The following SLIT1 variants were observed in gnomAD, a reference collection of about 807,000 sequenced individuals.
SLIT1 encodes the protein slit guidance ligand 1, also known as slit homolog 1 protein.
A neutral mutation model predicts 186.1 loss-of-function variants in SLIT1; 66 were observed. That is an observed-to-expected ratio of 0.35 (90% CI 0.29 to 0.44). The LOEUF (loss-of-function observed/expected upper bound fraction) is 0.44, where lower values mean the gene tolerates loss of function less well. Among genes scored for constraint, SLIT1 ranks in the 20% least tolerant of loss-of-function variants. The pLI is 1.00. For synonymous variants in SLIT1, 761 were observed against 833.8 expected (o/e 0.91, Z 1.50); for missense variants, 1,638 against 2,037.4 (o/e 0.80, Z 3.77).
chr10:97,097,496 C>T (rs901382653), intron 4 of SLIT1, among the ~76,000 whole-genome samples: 5 of 152,152 alleles, frequency 3.3e-5, no homozygotes, highest in Admixed American at 6.5e-5. Flanking sequence ...GAGGTGAGAA[C>T]GATGCTTCTG....
At chr10:97,012,153 T>A (rs936653711) in intron 30 of SLIT1, among the ~76,000 whole-genome samples, 1 of 148,354 alleles carries the variant, frequency 6.7e-6, no homozygotes, top group Non-Finnish European at 1.5e-5. Flanking sequence ...ACCAGATTCA[T>A]ACAACAATAC....
chr10:97,177,397 A>G (rs920616596), intron 1 of SLIT1, among the ~76,000 whole-genome samples: 8 of 152,098 alleles, frequency 5.3e-5, no homozygotes, highest in Non-Finnish European at 7.4e-5. Flanking sequence ...CGCCGTTCCC[A>G]CTTACTCTCT....
intron 8 of SLIT1, among the ~76,000 whole-genome samples, chr10:97,063,201 G>A (rs1444545315): frequency 6.6e-6 from 1 of 152,052 alleles, no homozygotes; most frequent in African/African-American, 2.4e-5. Context: ...AAATGCCATG[G>A]TGAGAATGGG....
At chr10:97,001,758 G>C (rs1962435) in intron 36 of SLIT1, among the ~76,000 whole-genome samples, 1 of 152,094 alleles carries the variant, frequency 6.6e-6, no homozygotes, top group Non-Finnish European at 1.5e-5. Flanking sequence ...TTAGCAGTCC[G>C]GATTCCAGCA....
In SLIT1 at chr10:97,006,401, G is replaced by A; in HGVS notation, c.3579+82C>T. 2.2e-6 allele frequency: 2 copies of A among 918,148 alleles called. No homozygotes were observed. The highest frequency in any genetic ancestry group is 1.5e-5 in the South Asian group (1 of 67,548). The allele number at this position is 918,148 out of a possible 1,614,324, so 56.9% of individuals were successfully genotyped here. Reference sequence around the variant, plus strand: ...CTTCCAGTTCCCCAGGCACCATGCAGGGATGTATCCTGATGCTCTGGCCTA... The same window carrying A: ...CTTCCAGTTCCCCAGGCACCATGCAAGGATGTATCCTGATGCTCTGGCCTA... On this transcript the variant is annotated intron_variant, in intron 32 of 36. Coordinates refer to ENST00000266058, the MANE Select transcript of SLIT1 (RefSeq NM_003061.3). The surrounding 1 kb of genome is among the most constrained non-coding windows in gnomAD (Gnocchi z 4.0).
Position 97,021,409 on chromosome 10 carries a change from T to C in SLIT1, c.2587A>G (p.Ile863Val). Residue 863 changes from isoleucine (I) to valine (V), a missense_variant, in exon 26 of 37, where the codon ATT becomes GTT. Transcript: ENST00000266058. This position sits in a 1 kb window ranked among gnomAD's most constrained non-coding sequence, Gnocchi z 4.5. ...TCACAGTATAGGGGGTTGGCACCAA[T>C]GGCCCTGAGCAGAAAGCAGAGAGAA... ...ADVTSLSHLA[I>V]GANPLYCDCH... 1 of 1,613,436 alleles carries C rather than the reference T, an allele frequency of 6.2e-7. No individual in the cohort carries two copies. The highest frequency in any genetic ancestry group is 8.5e-7 in the Non-Finnish European group (1 of 1,179,632).
At chr10:97,028,086 G>A (rs1589367230) in intron 25 of SLIT1, among the ~76,000 whole-genome samples, 1 of 152,166 alleles carries the variant, frequency 6.6e-6, no homozygotes, top group Admixed American at 6.5e-5. Flanking sequence ...ACTCTGGAGA[G>A]GAGCATCTCC....
intron 3 of SLIT1, among the ~76,000 whole-genome samples, chr10:97,160,198 T>A (rs1157624858): frequency 2.6e-5 from 4 of 152,226 alleles, no homozygotes; most frequent in Non-Finnish European, 5.9e-5. Context: ...CTGCTGCATC[T>A]ACTCTGGAGT....
intron 1 of SLIT1, among the ~76,000 whole-genome samples, chr10:97,180,626 A>G (rs1017369330): frequency 6.6e-6 from 1 of 152,228 alleles, no homozygotes; most frequent in Non-Finnish European, 1.5e-5. Context: ...GAGTGGGGCT[A>G]AAAACCTAGG....
intron 3 of SLIT1, among the ~76,000 whole-genome samples, chr10:97,159,777 T>C (rs962845833): frequency 3.9e-5 from 6 of 152,182 alleles, no homozygotes; most frequent in South Asian, 4.1e-4. Flanking sequence ...AAGGTGGGCC[T>C]CTTTCTCTTG....
intron 20 of SLIT1, among the ~76,000 whole-genome samples, chr10:97,040,612 A>G (rs2817680): frequency 0.88 from 133,985 of 152,168 alleles, 59,063 homozygotes; most frequent in East Asian, 1. Context: ...GATGAGTTGA[A>G]TGAATGAATG....
intron 10 of SLIT1, 40 bp from the exon 11 acceptor site, chr10:97,059,571 TCA>T: frequency 6.6e-7 from 1 of 1,519,958 alleles, no homozygotes; most frequent in South Asian, 1.1e-5. Context: ...TCTGAATCCC[TCA>T]ACAGCCACTA....
chr10:97,010,803 G>C lies in SLIT1; in HGVS notation c.3341+190C>G, dbSNP rs1848403597. Among the ~76,000 whole-genome samples, 1 of 152,154 alleles carries C rather than the reference G, an allele frequency of 6.6e-6. No individual in the cohort carries two copies. Among genetic ancestry groups the C allele is most frequent in the Non-Finnish European group, 1.5e-5 (1 of 68,020 alleles). ...AACAGGTTAGGGGTCCTCTGCCTAG[G>C]CCCTGGGCAGTTACATGACTTTCCC... On this transcript the variant is annotated intron_variant, in intron 31 of 36. Transcript: ENST00000266058. This position sits in a 1 kb window ranked among gnomAD's most constrained non-coding sequence, Gnocchi z 4.8.
At chr10:97,182,031 GAAAGGAAGCTTCCC>G (rs1564697136) in intron 1 of SLIT1, among the ~76,000 whole-genome samples, 1 of 152,220 alleles carries the variant, frequency 6.6e-6, no homozygotes, top group Non-Finnish European at 1.5e-5. Flanking sequence ...GCAGTACAAA[GAAAGGAAGCTTCCC>G]GGGCCGCCTC....
intron 28 of SLIT1, among the ~76,000 whole-genome samples, chr10:97,017,427 T>C (rs926401269): frequency 2.0e-5 from 3 of 152,190 alleles, no homozygotes; most frequent in Non-Finnish European, 4.4e-5. Flanking sequence ...CTAAATACTA[T>C]GTATTCCTCA....
At chr10:97,001,648 C>T (rs922967719) in intron 36 of SLIT1, among the ~76,000 whole-genome samples, 2 of 152,116 alleles carry the variant, frequency 1.3e-5, no homozygotes, top group Non-Finnish European at 2.9e-5. Flanking sequence ...GCCCCGGGGG[C>T]AATAACATTA....
At chr10:97,161,408 T>C (rs1222807300) in intron 3 of SLIT1, among the ~76,000 whole-genome samples, 1 of 152,236 alleles carries the variant, frequency 6.6e-6, no homozygotes, top group Non-Finnish European at 1.5e-5. Context: ...TTGCCTTGCT[T>C]TCTTCCAGGC....
chr10:97,099,151 T>TG (rs35978501), intron 4 of SLIT1, among the ~76,000 whole-genome samples: 74,887 of 148,964 alleles, frequency 0.5, 21,545 homozygotes, highest in East Asian at 0.72. Flanking sequence ...GTGTCCAGTT[T>TG]GGGGGGATGC....
Position 97,011,103 on chromosome 10 carries a change from A to T in SLIT1, c.3231T>A (p.Gly1077=), listed in dbSNP as rs746788252. The T allele has an allele frequency of 6.2e-7, 1 of 1,613,702 alleles. No homozygotes were observed. The change falls in exon 31 of 37, where the codon GGT becomes GGA. Residue 1077 remains glycine, a synonymous_variant. Coordinates refer to ENST00000266058, the MANE Select transcript of SLIT1 (RefSeq NM_003061.3). ...PRCECMPGYA[G]DNCSENQDDC... Reference sequence around the variant, plus strand: ...CATCCTGGTTCTCACTGCAGTTGTCACCTGCATAACCTGGCATGCACTCAC... The same window carrying T: ...CATCCTGGTTCTCACTGCAGTTGTCTCCTGCATAACCTGGCATGCACTCAC...
Sources: allele counts gnomAD v4.1 joint callset (sites outside exome capture counted in the v4.1 genomes callset), GRCh38; gene constraint gnomAD v4.1.1; non-coding constraint Gnocchi (gnomAD v3.1); transcripts MANE v1.5; gene names NCBI Gene and HGNC (gene_info 2026-07-23, HGNC 2026-07-21).